SLC16A10: variants seen among roughly 807,000 people sequenced by gnomAD.
The protein encoded by SLC16A10 is monocarboxylate transporter 10.
Under a neutral mutation model 40.0 loss-of-function variants are expected in SLC16A10, and 27 were observed. The observed-to-expected ratio is 0.67, with a 90% CI of 0.50 to 0.93. The LOEUF (loss-of-function observed/expected upper bound fraction) is 0.93, where lower values mean the gene tolerates loss of function less well. SLC16A10 is among the 40% of genes least tolerant of loss of function. The probability of loss-of-function intolerance (pLI) is 0.00; values close to 1 mark genes in which losing one functional copy is unlikely to be tolerated. For missense variants in SLC16A10, 529 were observed against 658.2 expected (o/e 0.80, Z 2.15); for synonymous variants, 213 against 249.8 (o/e 0.85, Z 1.39).
At chr6:111,113,606 T>C (rs12111379) in intron 1 of SLC16A10, among the ~76,000 whole-genome samples, 19,216 of 152,190 alleles carry the variant, frequency 0.13, 1,358 homozygotes, top group Middle Eastern at 0.18. Context: ...GGCTTTTCAT[T>C]GTGGGGATTG....
At chr6:111,197,585 AGGTTCTTGT>A (rs1773099081) in intron 3 of SLC16A10, among the ~76,000 whole-genome samples, 1 of 152,200 alleles carries the variant, frequency 6.6e-6, no homozygotes, top group South Asian at 2.1e-4. Context: ...AAGCTGTATT[AGGTTCTTGT>A]GTTCCTATAA....
chr6:111,214,394 G>A (rs1773388824), intron 4 of SLC16A10, among the ~76,000 whole-genome samples: 2 of 152,228 alleles, frequency 1.3e-5, no homozygotes. Context: ...AGCATCACCA[G>A]ATCAGTATTT....
chr6:111,179,613 A>C (rs924776996), intron 3 of SLC16A10, among the ~76,000 whole-genome samples: 1 of 152,198 alleles, frequency 6.6e-6, no homozygotes, highest in East Asian at 1.9e-4. Context: ...TTCATAGTGG[A>C]AGGTGAGTTA....
intron 1 of SLC16A10, among the ~76,000 whole-genome samples, chr6:111,092,341 A>C (rs1453981039): frequency 2.1e-4 from 22 of 104,160 alleles, no homozygotes; most frequent in Non-Finnish European, 3.5e-4. Context: ...TTTTTTTGAG[A>C]CAGATTCTCA....
At chr6:111,107,194 CA>C (rs1189246104) in intron 1 of SLC16A10, among the ~76,000 whole-genome samples, 1 of 152,068 alleles carries the variant, frequency 6.6e-6, no homozygotes, top group Non-Finnish European at 1.5e-5. Context: ...GCATGGATTT[CA>C]AAATATTTTT....
chr6:111,160,374 T>C (rs584937), intron 1 of SLC16A10, among the ~76,000 whole-genome samples: 1 of 152,128 alleles, frequency 6.6e-6, no homozygotes, highest in Admixed American at 6.5e-5. Context: ...GAATAGCTGG[T>C]ATTACAGGCA....
intron 1 of SLC16A10, among the ~76,000 whole-genome samples, chr6:111,145,875 A>T (rs552837977): frequency 2.6e-5 from 4 of 152,348 alleles, no homozygotes; most frequent in African/African-American, 9.6e-5. Context: ...CAAAGTGTAA[A>T]GGTATAAATG....
intron 1 of SLC16A10, among the ~76,000 whole-genome samples, chr6:111,113,268 A>G (rs1243788982): frequency 8.5e-5 from 13 of 152,188 alleles, no homozygotes; most frequent in Admixed American, 8.5e-4. Flanking sequence ...CAAACTACAC[A>G]TATAAGAATT....
intron 3 of SLC16A10, among the ~76,000 whole-genome samples, chr6:111,204,047 CTGG>C (rs1472150111): frequency 6.6e-6 from 1 of 152,006 alleles, no homozygotes; most frequent in Non-Finnish European, 1.5e-5. Context: ...TGAACCTAAC[CTGG>C]TGTTCTCAGG....
chr6:111,203,501 A>G (rs1773204969), intron 3 of SLC16A10, among the ~76,000 whole-genome samples: 1 of 152,036 alleles, frequency 6.6e-6, no homozygotes, highest in Non-Finnish European at 1.5e-5. Flanking sequence ...CAGGCAGATC[A>G]CTTGAGGTCA....
rs185795815 is a variant in SLC16A10, at chr6:111,226,617, A to C, written c.*4382A>C. 2.6e-4 allele frequency: 39 copies of C among 152,374 alleles called. No individual in the cohort carries two copies. The East Asian group carries it at 7.5e-3, about 29-fold the overall frequency. The allele number at this position is 152,374 out of a possible 1,614,324, so 9.4% of individuals were successfully genotyped here. A position where few individuals can be genotyped will look rare whatever the true frequency, so the allele number is the denominator to read the frequency against. On this transcript the variant is annotated 3_prime_UTR_variant, in exon 6 of 6. Coordinates refer to ENST00000368851, the MANE Select transcript of SLC16A10 (RefSeq NM_018593.5). ...TGTTGTCTTAAAAATAGAAGGAAAT[A>C]AAACTATTACCTTCTTTTTACATCT...
intron 1 of SLC16A10, among the ~76,000 whole-genome samples, chr6:111,138,495 T>G (rs1771921748): frequency 6.6e-6 from 1 of 152,220 alleles, no homozygotes; most frequent in Non-Finnish European, 1.5e-5. Context: ...ACCAGCTCTG[T>G]GGCCCTTTGG....
chr6:111,122,976 A>G (rs1314697586), intron 1 of SLC16A10, among the ~76,000 whole-genome samples: 1 of 152,220 alleles, frequency 6.6e-6, no homozygotes, highest in Admixed American at 6.5e-5. Context: ...CATTTGGAAA[A>G]TAAACATTGC....
intron 1 of SLC16A10, among the ~76,000 whole-genome samples, chr6:111,094,116 C>T (rs578118995): frequency 5.9e-5 from 9 of 152,224 alleles, no homozygotes; most frequent in East Asian, 3.9e-4. Context: ...TTTTCAGGAG[C>T]GATTTTGAGG....
chr6:111,173,889 C>A (rs543072367), intron 2 of SLC16A10, among the ~76,000 whole-genome samples: 9 of 152,110 alleles, frequency 5.9e-5, no homozygotes, highest in Non-Finnish European at 1.3e-4. Flanking sequence ...CATCCCTAAC[C>A]GCCCTCCCCC....
At chr6:111,187,740 G>T (rs1442682022) in intron 3 of SLC16A10, among the ~76,000 whole-genome samples, 1 of 152,194 alleles carries the variant, frequency 6.6e-6, no homozygotes, top group African/African-American at 2.4e-5. Context: ...TCCCAATCAG[G>T]AGGTTGCTTT....
In SLC16A10 at chr6:111,191,269, G is replaced by T. The variant is rs187164325; in HGVS notation, c.942+13604G>T. ...CCACTTATGAGTGAGAGCATGTGGT[G>T]TTTGGTTTTCTAATCCTGTTTTAGT... On this transcript the variant is annotated intron_variant, in intron 3 of 5. Transcript: ENST00000368851. Among the ~76,000 whole-genome samples, 341 of 152,250 alleles carry T rather than the reference G, an allele frequency of 2.2e-3. 1 individual carries two copies. Among genetic ancestry groups the T allele is most frequent in the African/African-American group, 7.8e-3 (325 of 41,538 alleles).
At chr6:111,221,860 A>G (rs1770901477) in intron 5 of SLC16A10, 143 bp from the exon 6 acceptor site, 2 of 656,450 alleles carry the variant, frequency 3.0e-6, no homozygotes, top group African/African-American at 1.9e-5. Context: ...CTTCCTATCA[A>G]AAAGGGTTTA....
At chr6:111,193,808 C>A (rs1773035299) in intron 3 of SLC16A10, among the ~76,000 whole-genome samples, 1 of 152,300 alleles carries the variant, frequency 6.6e-6, no homozygotes, top group South Asian at 2.1e-4. Context: ...TTGAAAATAT[C>A]TAATTTTAAC....
Sources: allele counts gnomAD v4.1 joint callset (sites outside exome capture counted in the v4.1 genomes callset), GRCh38; gene constraint gnomAD v4.1.1; transcripts MANE v1.5; gene names NCBI Gene and HGNC (gene_info 2026-07-23, HGNC 2026-07-21).